Variants in SLC6A5 observed in about 807,000 individuals in gnomAD.
SLC6A5 encodes sodium- and chloride-dependent glycine transporter 2.
A neutral mutation model predicts 90.5 loss-of-function variants in SLC6A5; 58 were observed. The ratio of observed to expected loss-of-function variants is 0.64; its 90% CI spans 0.52 to 0.80. The LOEUF (loss-of-function observed/expected upper bound fraction) is 0.80. SLC6A5 is among the 30% of genes least tolerant of loss of function. The pLI is 0.00. For synonymous variants in SLC6A5, 427 were observed against 401.4 expected (o/e 1.06, Z -0.76); for missense variants, 1,015 against 1,017.6 (o/e 1.00, Z 0.03).
intron 7 of SLC6A5, among the ~76,000 whole-genome samples, chr11:20,620,464 G>A (rs1474655976): frequency 6.6e-6 from 1 of 152,210 alleles, no homozygotes; most frequent in Non-Finnish European, 1.5e-5. Flanking sequence ...CTGGTGTATG[G>A]TCAGTTATTA....
intron 1 of SLC6A5, among the ~76,000 whole-genome samples, chr11:20,600,209 C>G (rs922955988): frequency 2.0e-5 from 3 of 152,028 alleles, no homozygotes; most frequent in Non-Finnish European, 2.9e-5. Context: ...GCTGGCAGTT[C>G]TTTTCATTTG....
chr11:20,652,341 A>T lies in SLC6A5; in HGVS notation c.2123A>T (p.Tyr708Phe). Residue 708 changes from tyrosine to phenylalanine, a missense_variant, in exon 15 of 16, where the codon TAC (tyrosine) becomes TTC (phenylalanine). By Grantham distance (22) the Tyr-to-Phe change is conservative. Coordinates refer to ENST00000525748, the MANE Select transcript of SLC6A5 (RefSeq NM_004211.5). Reference sequence around the variant, plus strand: ...TGGGAGCCCATGACCTATGGCTCTTACCGCTATCCTAACTGGTCCATGGTG... The same window carrying T: ...TGGGAGCCCATGACCTATGGCTCTTTCCGCTATCCTAACTGGTCCATGGTG... ...YQWEPMTYGSYRYPNWSMVLG... is the reference protein window; with the variant it reads ...YQWEPMTYGSFRYPNWSMVLG... The T allele has an allele frequency of 6.2e-7, 1 of 1,614,010 alleles. No homozygotes were observed. The highest frequency in any genetic ancestry group is 1.1e-5 in the South Asian group (1 of 91,076).
rs185029954 is a variant in SLC6A5 at position 20,622,321 on chromosome 11, G to A, written c.1261-4387G>A. On this transcript the variant is annotated intron_variant, in intron 7 of 15. Transcript: ENST00000525748. ...AATGAATGCATCACCTGGGTGAGGTGAGCCAGTGCCTAGTGTGCAAAATTG... is the reference window on the plus strand; with the variant it reads ...AATGAATGCATCACCTGGGTGAGGTAAGCCAGTGCCTAGTGTGCAAAATTG... Among the ~76,000 whole-genome samples, 365 of 152,302 alleles carry A rather than the reference G, an allele frequency of 2.4e-3. 1 individual carries two copies. The highest frequency in any genetic ancestry group is 8.3e-3 in the African/African-American group (347 of 41,572).
intron 12 of SLC6A5, among the ~76,000 whole-genome samples, chr11:20,637,599 C>A (rs563231645): frequency 6.6e-6 from 1 of 152,248 alleles, no homozygotes; most frequent in African/African-American, 2.4e-5. Flanking sequence ...CTAGTCCCAG[C>A]TACTTGGGAG....
rs546227244 is a variant in SLC6A5 at position 20,640,516 on chromosome 11, T to A, written c.1969+1958T>A. ...TGGGACCACCCAGGGAATCCCCTGG[T>A]TTCTAAGTAAGAGTGCTGGTGTTGG... On this transcript the variant is annotated intron_variant, in intron 13 of 15. Coordinates refer to ENST00000525748, the MANE Select transcript of SLC6A5 (RefSeq NM_004211.5). 2.0e-5 allele frequency among the ~76,000 whole-genome samples: 3 copies of A among 152,148 alleles called. No homozygotes were observed. In the South Asian group the frequency reaches 6.2e-4, roughly 32 times the overall value.
intron 7 of SLC6A5, among the ~76,000 whole-genome samples, chr11:20,623,879 A>G (rs1590167120): frequency 6.6e-6 from 1 of 150,760 alleles, no homozygotes; most frequent in East Asian, 2.0e-4. Flanking sequence ...TCCTCCCCAC[A>G]CCCCACCCCA....
rs16906550 is a variant in SLC6A5 at position 20,616,133 on chromosome 11, G to A, written c.1127+1313G>A. Among the ~76,000 whole-genome samples, 3,986 of 152,238 alleles carry A rather than the reference G, an allele frequency of 0.026. 414 individuals carry two copies. In the East Asian group the frequency reaches 0.35, roughly 13 times the overall value. On this transcript the variant is annotated intron_variant, in intron 6 of 15. Coordinates refer to ENST00000525748, the MANE Select transcript of SLC6A5 (RefSeq NM_004211.5). ...TGCTAATACCATGACTCTTCTCCCA[G>A]TTGTCATTATTTCCTACTCCTGGTT...
At chr11:20,601,715 C>G (rs1468670503) in intron 2 of SLC6A5, 50 bp downstream of exon 2, 1 of 1,545,420 alleles carries the variant, frequency 6.5e-7, no homozygotes, top group Non-Finnish European at 8.7e-7. Context: ...TCCAGCTGCG[C>G]GAGAGAGGCC....
At chr11:20,600,408 GAAGAC>G (rs1477655723) in intron 1 of SLC6A5, among the ~76,000 whole-genome samples, 17 of 138,072 alleles carry the variant, frequency 1.2e-4, no homozygotes, top group Middle Eastern at 7.4e-3. Context: ...AGAAGAAGAA[GAAGAC>G]CTAAACAAAA....
chr11:20,627,971 G>GAAT lies in SLC6A5; in HGVS notation c.1396-9_1396-8insAAT. 6.2e-7 allele frequency: 1 copy of GAAT among 1,609,026 alleles called. No individual in the cohort carries two copies. On this transcript the variant is annotated splice_polypyrimidine_tract_variant and intron_variant, in intron 8 of 15. Transcript: ENST00000525748. ...TGGGTCTTGAATCTCTTTCCCTTTT[G>GAAT]CCTCTCAGGTGTGGAAAGATGCTGC... is the stretch of plus-strand genomic sequence containing the variant.
intron 3 of SLC6A5, 36 bp downstream of exon 3, chr11:20,604,460 C>T (rs1590154320): frequency 1.3e-6 from 2 of 1,528,720 alleles, no homozygotes; most frequent in Non-Finnish European, 1.8e-6. Context: ...TGCGGCGGGG[C>T]GGGGCGGGCA....
At chr11:20,610,705 T>G (rs1032407467) in intron 5 of SLC6A5, among the ~76,000 whole-genome samples, 5 of 152,188 alleles carry the variant, frequency 3.3e-5, no homozygotes, top group African/African-American at 7.2e-5. Context: ...GAAACTCTGT[T>G]ATTTGATTAA....
chr11:20,622,304 C>T (rs970036222), intron 7 of SLC6A5, among the ~76,000 whole-genome samples: 2 of 152,178 alleles, frequency 1.3e-5, no homozygotes, highest in African/African-American at 2.4e-5. Flanking sequence ...AAAATGAATG[C>T]ATCACCTGGG....
In SLC6A5 at chr11:20,654,997, G is replaced by C; in HGVS notation, c.*129G>C. The C allele has an allele frequency of 2.0e-6, 2 of 996,234 alleles. No homozygotes were observed. The highest frequency in any genetic ancestry group is 3.2e-6 in the Non-Finnish European group (2 of 620,580). 61.7% of individuals were successfully genotyped at this position (996,234 alleles called of 1,614,324 possible). ...CATCTTGGTTCACATCCACGCATGA[G>C]AGTGATTATGTAGAAAAGTAGGCAT... is the stretch of plus-strand genomic sequence containing the variant. On this transcript the variant is annotated 3_prime_UTR_variant, in exon 16 of 16. Coordinates refer to ENST00000525748, the MANE Select transcript of SLC6A5 (RefSeq NM_004211.5).
intron 13 of SLC6A5, among the ~76,000 whole-genome samples, chr11:20,645,234 C>T (rs1853390020): frequency 1.3e-5 from 2 of 152,124 alleles, no homozygotes; most frequent in African/African-American, 4.8e-5. Context: ...TCCTTCCCCA[C>T]TTCCAAGTAG....
intron 7 of SLC6A5, among the ~76,000 whole-genome samples, chr11:20,624,691 A>T (rs1852958056): frequency 6.6e-6 from 1 of 152,158 alleles, no homozygotes; most frequent in South Asian, 2.1e-4. Flanking sequence ...GCCCTGAACC[A>T]ATAGCCGTCA....
Position 20,646,688 on chromosome 11 carries a change from C to G in SLC6A5, c.1970-146C>G. 3 of 680,744 alleles carry G rather than the reference C, an allele frequency of 4.4e-6. No homozygotes were observed. The South Asian group carries it at 4.8e-5, about 11-fold the overall frequency. The allele number at this position is 680,744 out of a possible 1,614,324, so 42.2% of individuals were successfully genotyped here. ...CAGCGAGTCATTTGTCTGATGGTTC[C>G]CTGCATAATAGAGGTCATGTTGATA... On this transcript the variant is annotated intron_variant, in intron 13 of 15. Transcript: ENST00000525748.
rs780386706 is a variant in SLC6A5 at position 20,601,257 on chromosome 11, C to T, written c.132C>T (p.Ala44=). 1.3e-6 allele frequency: 2 copies of T among 1,582,712 alleles called. No homozygotes were observed. The highest frequency in any genetic ancestry group is 8.5e-7 in the Non-Finnish European group (1 of 1,172,078). The part of the protein sequence containing the change: ...TSPEQELPAA[A]APPPPRVPRS... Reference sequence around the variant, plus strand: ...CGGAGCAGGAGCTTCCCGCGGCTGCCGCCCCGCCGCCGCCACGTGTGCCCA... The same window carrying T: ...CGGAGCAGGAGCTTCCCGCGGCTGCTGCCCCGCCGCCGCCACGTGTGCCCA... Residue 44 remains alanine (A), a synonymous_variant, in exon 2 of 16, where the codon GCC becomes GCT. Coordinates refer to ENST00000525748, the MANE Select transcript of SLC6A5 (RefSeq NM_004211.5).
intron 7 of SLC6A5, among the ~76,000 whole-genome samples, chr11:20,623,926 A>G (rs1852940584): frequency 6.6e-6 from 1 of 151,822 alleles, no homozygotes; most frequent in Admixed American, 6.6e-5. Context: ...TTCAATCCAC[A>G]TATCACCTTC....
Sources: gnomAD v4.1 joint callset for allele counts (sites outside exome capture counted in the v4.1 genomes callset) on GRCh38, gnomAD v4.1.1 for gene constraint, MANE v1.5 for transcripts, NCBI Gene and HGNC (gene_info 2026-07-23, HGNC 2026-07-21) for gene names.